PSORS1C1: variants seen among roughly 807,000 people sequenced by gnomAD.
The protein encoded by PSORS1C1 is psoriasis susceptibility 1 candidate gene 1 protein.
Under a neutral mutation model 9.4 loss-of-function variants are expected in PSORS1C1, and 7 were observed. That is an observed-to-expected ratio of 0.75 (90% CI 0.42 to 1.40). The LOEUF (loss-of-function observed/expected upper bound fraction) is 1.40, where lower values mean the gene tolerates loss of function less well. Ranked by LOEUF, PSORS1C1 falls within the 40% of genes most tolerant of loss-of-function variation. PSORS1C1 has a pLI of 0.01. For missense variants in PSORS1C1, 146 were observed against 178.1 expected (o/e 0.82, Z 1.02); for synonymous variants, 63 against 69.4 (o/e 0.91, Z 0.46).
chr6:31,138,259 G>C (rs993435399), intron 3 of PSORS1C1, 171 bp from the exon 4 acceptor site: 1 of 1,571,884 alleles, frequency 6.4e-7, no homozygotes, highest in Non-Finnish European at 8.6e-7. Flanking sequence ...GCCTCCTCTC[G>C]GTCCTCTGCG....
intron 3 of PSORS1C1, among the ~76,000 whole-genome samples, chr6:31,130,147 G>A (rs1228073993): frequency 3.3e-5 from 5 of 151,686 alleles, no homozygotes; most frequent in South Asian, 4.2e-4. Context: ...CTAATTCCAC[G>A]TTATTGGCTT....
intron 3 of PSORS1C1, 67 bp from the exon 4 acceptor site, chr6:31,138,350 TCTCCCCAGCCCCA>T: frequency 6.2e-7 from 1 of 1,601,596 alleles, no homozygotes; most frequent in South Asian, 1.1e-5. Flanking sequence ...TGAGGGCTTC[TCTCCCCAGCCCCA>T]CCCAGCCCCA....
chr6:31,121,381 G>A (rs1001920328), intron 1 of PSORS1C1, among the ~76,000 whole-genome samples: 2 of 152,174 alleles, frequency 1.3e-5, no homozygotes, highest in Non-Finnish European at 2.9e-5. Context: ...CTGGATGAGC[G>A]AGCAGGAAGC....
At chr6:31,136,401 A>G (rs1773138910) in intron 3 of PSORS1C1, among the ~76,000 whole-genome samples, 1 of 151,818 alleles carries the variant, frequency 6.6e-6, no homozygotes, top group African/African-American at 2.4e-5. Flanking sequence ...AAAAAAAAAA[A>G]AAAAGAAAAG....
rs1324622816 is a variant in PSORS1C1, at chr6:31,115,204, G to T, written c.-229+313G>T. 1 of 303,474 alleles carries T rather than the reference G, an allele frequency of 3.3e-6. No individual in the cohort carries two copies. Among genetic ancestry groups the T allele is most frequent in the Non-Finnish European group, 6.4e-6 (1 of 156,332 alleles). The allele number at this position is 303,474 out of a possible 1,614,324, so 18.8% of individuals were successfully genotyped here. ...GAGGAACACAGAGACCTCTAGAGGCGTAGGAAGAGCACCACCCAGACTCTC... is the reference window on the plus strand; with the variant it reads ...GAGGAACACAGAGACCTCTAGAGGCTTAGGAAGAGCACCACCCAGACTCTC... On this transcript the variant is annotated intron_variant, in intron 1 of 5. Coordinates refer to ENST00000259881, the MANE Select transcript of PSORS1C1 (RefSeq NM_014068.3). This position sits in a 1 kb window ranked among gnomAD's most constrained non-coding sequence, Gnocchi z 4.2.
chr6:31,120,522 G>A, intron 1 of PSORS1C1: 3 of 1,044,670 alleles, frequency 2.9e-6, no homozygotes, highest in Non-Finnish European at 4.3e-6. Flanking sequence ...GGGGAGAGGA[G>A]GAGAGGTGGA....
intron 2 of PSORS1C1, among the ~76,000 whole-genome samples, chr6:31,127,188 A>T (rs1450421556): frequency 6.6e-6 from 1 of 152,172 alleles, no homozygotes; most frequent in Non-Finnish European, 1.5e-5. Context: ...AAAGACTTGT[A>T]CCAGGAGGGA....
chr6:31,138,867 T>C, intron 5 of PSORS1C1, 88 bp downstream of exon 5: 1 of 1,601,284 alleles, frequency 6.2e-7, no homozygotes, highest in Non-Finnish European at 8.6e-7. Flanking sequence ...ACCTTCTGCG[T>C]CCCCTGAATT....
chr6:31,139,312 C>A lies in PSORS1C1; in HGVS notation c.168-329C>A. ...GGTTTTCACACCCTCCATCCACATC[C>A]TGGAGCAGTCAATACCCACTTGGCA... On this transcript the variant is annotated intron_variant, in intron 5 of 5. Coordinates refer to ENST00000259881, the MANE Select transcript of PSORS1C1 (RefSeq NM_014068.3). The surrounding 1 kb of genome is among the most constrained non-coding windows in gnomAD (Gnocchi z 5.2). 1 of 585,600 alleles carries A rather than the reference C, an allele frequency of 1.7e-6. No homozygotes were observed. The highest frequency in any genetic ancestry group is 3.0e-6 in the Non-Finnish European group (1 of 328,888). The allele number at this position is 585,600 out of a possible 1,614,324, so 36.3% of individuals were successfully genotyped here.
chr6:31,121,084 CCTT>C (rs1772438023), intron 1 of PSORS1C1, among the ~76,000 whole-genome samples: 1 of 150,812 alleles, frequency 6.6e-6, no homozygotes, highest in Non-Finnish European at 1.5e-5. Context: ...GGAACTTTCT[CCTT>C]CTCAGAAATG....
chr6:31,115,460 G>A lies in PSORS1C1; in HGVS notation c.-229+569G>A. 6.0e-6 allele frequency: 1 copy of A among 165,828 alleles called. No individual in the cohort carries two copies. The highest frequency in any genetic ancestry group is 5.5e-5 in the Admixed American group (1 of 18,142). The allele number at this position is 165,828 out of a possible 1,614,324, so 10.3% of individuals were successfully genotyped here. A position where few individuals can be genotyped will look rare whatever the true frequency, so the allele number is the denominator to read the frequency against. On this transcript the variant is annotated intron_variant, in intron 1 of 5. Coordinates refer to ENST00000259881, the MANE Select transcript of PSORS1C1 (RefSeq NM_014068.3). This position sits in a 1 kb window ranked among gnomAD's most constrained non-coding sequence, Gnocchi z 4.2. ...GGGTGTGTTGGGGACGGTGATCTAG[G>A]AGGGCGTGGTGAGCTCTGTAATGGA... is the stretch of plus-strand genomic sequence containing the variant.
intron 3 of PSORS1C1, chr6:31,138,150 C>T (rs1229436936): frequency 1.2e-6 from 2 of 1,603,898 alleles, no homozygotes; most frequent in Non-Finnish European, 1.7e-6. Context: ...TCTCCAGGGA[C>T]GACTGGGGCG....
At chr6:31,130,727 T>C (rs1772876877) in intron 3 of PSORS1C1, among the ~76,000 whole-genome samples, 1 of 152,148 alleles carries the variant, frequency 6.6e-6, no homozygotes, top group Non-Finnish European at 1.5e-5. Flanking sequence ...AACATTTTTT[T>C]TGTAGAGGTG....
chr6:31,131,822 C>T (rs887812784), intron 3 of PSORS1C1, among the ~76,000 whole-genome samples: 2 of 152,192 alleles, frequency 1.3e-5, no homozygotes, highest in African/African-American at 4.8e-5. Flanking sequence ...GAGCATTTAC[C>T]AACAGTGCCC....
At chr6:31,138,577 C>T (rs1393381641) in intron 4 of PSORS1C1, 79 bp from the exon 5 acceptor site, 2 of 1,607,408 alleles carry the variant, frequency 1.2e-6, no homozygotes, top group Non-Finnish European at 1.7e-6. Context: ...AAGCTCCATC[C>T]ACCCCTGGTT....
rs1385793142 is a variant in PSORS1C1 at position 31,138,667 on chromosome 6, C to T, written c.55C>T (p.Pro19Ser). 6.2e-7 allele frequency: 1 copy of T among 1,613,260 alleles called. No homozygotes were observed. ...ACCTTGGCCCCCAGGCACACAGACCCCAGCTTTACAAGGACCCCAGCTCCT... is the reference window on the plus strand; with the variant it reads ...ACCTTGGCCCCCAGGCACACAGACCTCAGCTTTACAAGGACCCCAGCTCCT... ...HSQRALGTQT[P>S]ALQGPQLLNT... Residue 19 changes from proline to serine, a missense_variant, in exon 5 of 6, where the codon CCA (proline) becomes TCA (serine). Physicochemically the swap from Pro to Ser is moderately conservative, Grantham distance 74. Transcript: ENST00000259881.
chr6:31,138,007 C>T lies in PSORS1C1; in HGVS notation c.14-423C>T, dbSNP rs577168538. 2.6e-6 allele frequency: 4 copies of T among 1,519,208 alleles called. No homozygotes were observed. The African/African-American group carries it at 5.6e-5, about 21-fold the overall frequency. 94.1% of individuals were successfully genotyped at this position (1,519,208 alleles called of 1,614,324 possible). On this transcript the variant is annotated intron_variant, in intron 3 of 5. Coordinates refer to ENST00000259881, the MANE Select transcript of PSORS1C1 (RefSeq NM_014068.3). The stretch of plus-strand genomic sequence containing the variant: ...TCTGGCTCCTCCTGAGGTCGGTTGT[C>T]CACCTCAGGGGCAGGAGGCCAGGGG...
At chr6:31,138,575 T>C (rs1581872950) in intron 4 of PSORS1C1, 81 bp from the exon 5 acceptor site, 3 of 1,606,430 alleles carry the variant, frequency 1.9e-6, no homozygotes, top group East Asian at 2.2e-5. Flanking sequence ...ATAAGCTCCA[T>C]CCACCCCTGG....
rs33941312 is a variant in PSORS1C1, at chr6:31,116,414, T to C, written c.-229+1523T>C. On this transcript the variant is annotated intron_variant, in intron 1 of 5. Coordinates refer to ENST00000259881, the MANE Select transcript of PSORS1C1 (RefSeq NM_014068.3). ...CCGGAGCTGCTGGAAATGCTAGAAC[T>C]GCTGGGGACTCGAGAACTGGAGGGA... The C allele has an allele frequency of 0.02, 31,407 of 1,593,880 alleles. 426 individuals carry two copies. Among genetic ancestry groups the C allele is most frequent in the Middle Eastern group, 0.023 (140 of 6,030 alleles).
Sources: allele counts gnomAD v4.1 joint callset (sites outside exome capture counted in the v4.1 genomes callset), GRCh38; gene constraint gnomAD v4.1.1; non-coding constraint Gnocchi (gnomAD v3.1); transcripts MANE v1.5; gene names NCBI Gene and HGNC (gene_info 2026-07-23, HGNC 2026-07-21).